The following SKP1 variants were observed in gnomAD, a reference collection of about 807,000 sequenced individuals.
SKP1 encodes S-phase kinase associated protein 1, also known as S-phase kinase-associated protein 1.
In SKP1, 1 loss-of-function variant was observed where a neutral mutation model predicts 21.5. The ratio of observed to expected loss-of-function variants is 0.05; its 90% CI spans 0.02 to 0.22. The LOEUF (loss-of-function observed/expected upper bound fraction) is 0.22. Ranked by LOEUF, SKP1 falls within the 10% of genes least tolerant of loss-of-function variation. The pLI is 1.00. For synonymous variants in SKP1, 59 were observed against 59.3 expected (o/e 0.99, Z 0.03); for missense variants, 70 against 192.0 (o/e 0.36, Z 3.76).
chr5:134,163,487 TA>T (rs1169032274), intron 3 of SKP1, among the ~76,000 whole-genome samples: 3,223 of 135,976 alleles, frequency 0.024, 115 homozygotes, highest in African/African-American at 0.08. Flanking sequence ...CAAACAGGCT[TA>T]AAAAAAAAAA....
At chr5:134,164,418 T>A (rs1561720188) in intron 3 of SKP1, among the ~76,000 whole-genome samples, 1 of 151,308 alleles carries the variant, frequency 6.6e-6, no homozygotes, top group Admixed American at 6.6e-5. Flanking sequence ...GTTCACCTAC[T>A]CACCCCTTTA....
intron 3 of SKP1, among the ~76,000 whole-genome samples, chr5:134,164,603 T>C (rs553264656): frequency 6.6e-6 from 1 of 152,166 alleles, no homozygotes; most frequent in South Asian, 2.1e-4. Flanking sequence ...GGCATTCGAC[T>C]ACAAGCAAAG....
chr5:134,167,715 G>A (rs1580930171), intron 2 of SKP1, among the ~76,000 whole-genome samples: 1 of 152,060 alleles, frequency 6.6e-6, no homozygotes, highest in African/African-American at 2.4e-5. Flanking sequence ...TAGGAGAGAC[G>A]GGGTTTCACC....
chr5:134,164,322 GAAAAAAAAAAAAAAAAA>G (rs55637997), intron 3 of SKP1, among the ~76,000 whole-genome samples: 4 of 122,128 alleles, frequency 3.3e-5, no homozygotes, highest in African/African-American at 6.3e-5. Context: ...TCCATCTCAA[GAAAAAAAAAAAAAAAAA>G]AAAAAAAAAA....
intron 2 of SKP1, among the ~76,000 whole-genome samples, chr5:134,168,829 G>T (rs1169642780): frequency 6.6e-6 from 1 of 152,042 alleles, no homozygotes; most frequent in Non-Finnish European, 1.5e-5. Context: ...CTATTTTTAG[G>T]AAGAGAGGAT....
At position 134,154,725 on chromosome 5, in the gene SKP1, A is replaced by G. The variant is rs1561716434; in HGVS notation, c.*3008T>C. ...CTTCAATCACCCAAATCTGCCAAAT[A>G]CCTTCTTCCTCTCATTCTCTTTCCT... On this transcript the variant is annotated 3_prime_UTR_variant, in exon 6 of 6. Transcript: ENST00000353411. 6.6e-6 allele frequency: 1 copy of G among 152,166 alleles called. No individual in the cohort carries two copies. The highest frequency in any genetic ancestry group is 1.5e-5 in the Non-Finnish European group (1 of 68,034). 9.4% of individuals were successfully genotyped at this position (152,166 alleles called of 1,614,324 possible).
Position 134,156,648 on chromosome 5 carries a change from G to A in SKP1, c.*1085C>T, listed in dbSNP as rs1317806298. ...AAAAAAACTTCATTCTATTGTAGGA[G>A]GGAAGCTGGAAACAATGGCAGAGTA... On this transcript the variant is annotated 3_prime_UTR_variant, in exon 6 of 6. Coordinates refer to ENST00000353411, the MANE Select transcript of SKP1 (RefSeq NM_170679.3). 1 of 152,214 alleles carries A rather than the reference G, an allele frequency of 6.6e-6. No homozygotes were observed. The highest frequency in any genetic ancestry group is 1.5e-5 in the Non-Finnish European group (1 of 68,038). 9.4% of individuals were successfully genotyped at this position (152,214 alleles called of 1,614,324 possible).
intron 3 of SKP1, 97 bp from the exon 4 acceptor site, chr5:134,161,227 C>T: frequency 9.1e-7 from 1 of 1,099,456 alleles, no homozygotes. Flanking sequence ...TAATAACTAG[C>T]TAGAGGTTGA....
rs1302477760 is a variant in SKP1 at position 134,152,189 on chromosome 5, TAAATAA to T, written c.*5538_*5543del. On this transcript the variant is annotated 3_prime_UTR_variant, in exon 6 of 6. Transcript: ENST00000353411. ...TTTAGTTGAACAGCCAAAAAATAAATAAATAAAAATTAAAATTAAAAAAATTAGAAT... is the reference window on the plus strand; with the variant it reads ...TTTAGTTGAACAGCCAAAAAATAAATAAATTAAAATTAAAAAAATTAGAAT... 6.7e-4 allele frequency: 102 copies of T among 151,662 alleles called. No homozygotes were observed. Among genetic ancestry groups the T allele is most frequent in the African/African-American group, 2.4e-3 (99 of 41,050 alleles). 9.4% of individuals were successfully genotyped at this position (151,662 alleles called of 1,614,324 possible).
rs771340351 is a variant in SKP1 at position 134,158,438 on chromosome 5, A to G, written c.456+17T>C. 5.6e-6 allele frequency: 9 copies of G among 1,613,964 alleles called. 1 individual carries two copies. The South Asian group carries it at 9.9e-5, about 18-fold the overall frequency. On this transcript the variant is annotated intron_variant, in intron 5 of 5. Coordinates refer to ENST00000353411, the MANE Select transcript of SKP1 (RefSeq NM_170679.3). ...TTTAAGAGCATGTGATCAAAGACAA[A>G]ACTGTGTGCTACCTACCTGGGCTTC...
chr5:134,159,004 A>G (rs1264143061), intron 4 of SKP1, among the ~76,000 whole-genome samples: 2 of 152,152 alleles, frequency 1.3e-5, no homozygotes, highest in Non-Finnish European at 2.9e-5. Flanking sequence ...TTTATTGTTT[A>G]CCTGTTTTCT....
Position 134,158,437 on chromosome 5 carries a change from A to G in SKP1, c.456+18T>C. 3 of 1,613,994 alleles carry G rather than the reference A, an allele frequency of 1.9e-6. No homozygotes were observed. The highest frequency in any genetic ancestry group is 2.5e-6 in the Non-Finnish European group (3 of 1,179,964). On this transcript the variant is annotated intron_variant, in intron 5 of 5. Coordinates refer to ENST00000353411, the MANE Select transcript of SKP1 (RefSeq NM_170679.3). ...TTTTAAGAGCATGTGATCAAAGACAAAACTGTGTGCTACCTACCTGGGCTT... is the reference window on the plus strand; with the variant it reads ...TTTTAAGAGCATGTGATCAAAGACAGAACTGTGTGCTACCTACCTGGGCTT...
intron 3 of SKP1, among the ~76,000 whole-genome samples, chr5:134,162,306 T>A (rs1580926602): frequency 6.6e-6 from 1 of 152,294 alleles, no homozygotes; most frequent in East Asian, 1.9e-4. Context: ...GGTTTCATCA[T>A]GTTGCAAACT....
intron 3 of SKP1, among the ~76,000 whole-genome samples, chr5:134,166,158 C>G (rs1476428211): frequency 2.0e-5 from 3 of 150,772 alleles, no homozygotes; most frequent in African/African-American, 7.4e-5. Flanking sequence ...GCACTCCAGC[C>G]TGGGCAACAG....
chr5:134,158,584 G>A lies in SKP1; in HGVS notation c.327C>T (p.Tyr109=). Residue 109 remains tyrosine, a synonymous_variant, in exon 5 of 6, where the codon TAC becomes TAT. Coordinates refer to ENST00000353411, the MANE Select transcript of SKP1 (RefSeq NM_170679.3). ...CATCAAGCAAACCTTTGATGTCTAA[G>A]TAGTTTGCAGCCTGTAAAGAGACAG... ...TLFELILAAN[Y]LDIKGLLDVT... is the part of the protein sequence containing the mutation. The A allele has an allele frequency of 6.2e-7, 1 of 1,613,320 alleles. No homozygotes were observed. Among genetic ancestry groups the A allele is most frequent in the Middle Eastern group, 1.7e-4 (1 of 6,060 alleles).
chr5:134,173,986 T>G lies in SKP1; in HGVS notation c.37A>C (p.Ile13Leu). 1 of 1,610,200 alleles carries G rather than the reference T, an allele frequency of 6.2e-7. No homozygotes were observed. Among genetic ancestry groups the G allele is most frequent in the Non-Finnish European group, 8.5e-7 (1 of 1,176,762 alleles). The change falls in exon 2 of 6, where the codon ATA becomes CTA. Residue 13 changes from isoleucine to leucine, a missense_variant. By Grantham distance (5) the Ile-to-Leu change is conservative. Coordinates refer to ENST00000353411, the MANE Select transcript of SKP1 (RefSeq NM_170679.3). ...SIKLQSSDGEIFEVDVEIAKQ... is the reference protein window; with the variant it reads ...SIKLQSSDGELFEVDVEIAKQ... ...GCAATTTCCACATCAACTTCAAATA[T>G]CTCTCCATCAGAACTCTGCAACTTA... is the stretch of plus-strand genomic sequence containing the variant.
At chr5:134,168,961 GT>G (rs1271876443) in intron 2 of SKP1, among the ~76,000 whole-genome samples, 1 of 152,010 alleles carries the variant, frequency 6.6e-6, no homozygotes, top group African/African-American at 2.4e-5. Flanking sequence ...TGTATAGATG[GT>G]TTATAATGCT....
chr5:134,175,931 TAG>T (rs1455741565), intron 1 of SKP1, among the ~76,000 whole-genome samples: 2 of 17,440 alleles, frequency 1.1e-4, no homozygotes, highest in Non-Finnish European at 2.4e-4. Context: ...TCACATCATA[TAG>T]AAAAAAAAAC....
intron 1 of SKP1, among the ~76,000 whole-genome samples, chr5:134,175,871 G>C (rs1028891515): frequency 6.6e-6 from 1 of 152,096 alleles, no homozygotes; most frequent in Admixed American, 6.6e-5. Flanking sequence ...AGGCCTAAAG[G>C]CTCCTGCACT....
Sources: allele counts gnomAD v4.1 joint callset (sites outside exome capture counted in the v4.1 genomes callset), GRCh38; gene constraint gnomAD v4.1.1; transcripts MANE v1.5; gene names NCBI Gene and HGNC (gene_info 2026-07-23, HGNC 2026-07-21).